The following UVRAG variants were observed in gnomAD, a reference collection of about 807,000 sequenced individuals.
UVRAG encodes UV radiation resistance-associated gene protein.
Under a neutral mutation model 78.0 loss-of-function variants are expected in UVRAG, and 19 were observed. That is an observed-to-expected ratio of 0.24 (90% CI 0.17 to 0.36). The LOEUF is 0.36. Among genes scored for constraint, UVRAG ranks in the 10% least tolerant of loss-of-function variants. The pLI is 1.00. For missense variants in UVRAG, 740 were observed against 853.8 expected (o/e 0.87, Z 1.66); for synonymous variants, 323 against 324.6 (o/e 1.00, Z 0.05).
At chr11:75,991,655 A>C (rs1053394407) in intron 8 of UVRAG, among the ~76,000 whole-genome samples, 1 of 152,146 alleles carries the variant, frequency 6.6e-6, no homozygotes, top group Non-Finnish European at 1.5e-5. Context: ...CAATCACTGA[A>C]TAATACTACA....
chr11:76,021,289 G>A (rs1244123619), intron 12 of UVRAG, among the ~76,000 whole-genome samples: 2 of 152,134 alleles, frequency 1.3e-5, no homozygotes, highest in African/African-American at 4.8e-5. Context: ...ATCGGTGAAA[G>A]CATCTATTCA....
intron 5 of UVRAG, chr11:75,892,405 C>T (rs970534688): frequency 1.0e-6 from 1 of 985,060 alleles, no homozygotes; most frequent in African/African-American, 1.7e-5. Flanking sequence ...TAAGTGTTTC[C>T]CTCTAACGGG....
chr11:76,104,909 C>G (rs1043856920), intron 13 of UVRAG, among the ~76,000 whole-genome samples: 8 of 152,060 alleles, frequency 5.3e-5, no homozygotes, highest in Non-Finnish European at 1.2e-4. Flanking sequence ...TAAAGAATCC[C>G]TGCACTTATA....
chr11:75,818,015 G>A (rs889361994), intron 1 of UVRAG, among the ~76,000 whole-genome samples: 7 of 151,996 alleles, frequency 4.6e-5, no homozygotes, highest in Admixed American at 3.3e-4. Flanking sequence ...AGCCGAGATT[G>A]CGCCACTGCA....
intron 7 of UVRAG, among the ~76,000 whole-genome samples, chr11:75,965,304 T>TTTTATTTATTTATTTATTTATTTA (rs112528205): frequency 8.2e-5 from 12 of 145,832 alleles, no homozygotes; most frequent in African/African-American, 3.4e-4. Flanking sequence ...TTTGGACATC[T>TTTTATTTATTTATTTATTTATTTA]TTTATTTATT....
At chr11:76,025,252 T>A (rs550131396) in intron 12 of UVRAG, among the ~76,000 whole-genome samples, 8 of 152,276 alleles carry the variant, frequency 5.3e-5, no homozygotes, top group Admixed American at 2.0e-4. Flanking sequence ...CCCCCACTTC[T>A]TTCACTGAGG....
At chr11:76,118,670 CT>C (rs1029788223) in intron 14 of UVRAG, among the ~76,000 whole-genome samples, 43 of 152,246 alleles carry the variant, frequency 2.8e-4, no homozygotes, top group African/African-American at 9.9e-4. Context: ...TCTTTGCCCC[CT>C]GGTCATGTGT....
intron 13 of UVRAG, among the ~76,000 whole-genome samples, chr11:76,081,163 T>G (rs1291411372): frequency 6.6e-6 from 1 of 152,162 alleles, no homozygotes; most frequent in Non-Finnish European, 1.5e-5. Context: ...ACTCTTTGGT[T>G]TTCTAACTCA....
intron 6 of UVRAG, among the ~76,000 whole-genome samples, chr11:75,913,457 G>C (rs1214221792): frequency 6.6e-6 from 1 of 152,130 alleles, no homozygotes; most frequent in Admixed American, 6.5e-5. Flanking sequence ...ATCCTACCCT[G>C]CCTTTATCTT....
At chr11:75,999,622 G>T (rs1012792283) in intron 8 of UVRAG, among the ~76,000 whole-genome samples, 1 of 151,978 alleles carries the variant, frequency 6.6e-6, no homozygotes, top group African/African-American at 2.4e-5. Flanking sequence ...CTTGTGATCT[G>T]CCCGCCTTGG....
chr11:75,882,204 T>G (rs1946962252), intron 4 of UVRAG, among the ~76,000 whole-genome samples: 1 of 152,184 alleles, frequency 6.6e-6, no homozygotes, highest in African/African-American at 2.4e-5. Context: ...TCTGCATTTT[T>G]TCAGGTTAAA....
Position 75,828,803 on chromosome 11 carries a change from A to AT in UVRAG, c.117+13280dup, listed in dbSNP as rs1412890541. Among the ~76,000 whole-genome samples the AT allele has an allele frequency of 1.7e-3, 141 of 85,434 alleles. 10 individuals are homozygous for AT. The highest frequency in any genetic ancestry group is 7.6e-3 in the East Asian group (23 of 3,010). 56.0% of individuals were successfully genotyped at this position (85,434 alleles called of 152,430 possible). ...CACATATATATATATATATATATAT[A>AT]TATTTTTTTTTTTTTGTAGAGACAG... is the stretch of plus-strand genomic sequence containing the variant. On this transcript the variant is annotated intron_variant, in intron 1 of 14. Transcript: ENST00000356136.
At chr11:75,920,447 A>G (rs772001049) in intron 6 of UVRAG, among the ~76,000 whole-genome samples, 1 of 152,200 alleles carries the variant, frequency 6.6e-6, no homozygotes, top group Non-Finnish European at 1.5e-5. Context: ...GTATGTATAC[A>G]TACACATAAA....
At chr11:76,095,708 A>G (rs962752537) in intron 13 of UVRAG, among the ~76,000 whole-genome samples, 3 of 151,668 alleles carry the variant, frequency 2.0e-5, no homozygotes, top group Non-Finnish European at 4.4e-5. Context: ...TCTCTATAAA[A>G]TATTTTTTAA....
chr11:76,031,929 G>A (rs1950445221), intron 12 of UVRAG, among the ~76,000 whole-genome samples: 1 of 152,174 alleles, frequency 6.6e-6, no homozygotes, highest in East Asian at 1.9e-4. Context: ...CTGATATGAA[G>A]TAATCATTGA....
chr11:76,003,899 C>T (rs2135333980), intron 8 of UVRAG, 106 bp from the exon 9 acceptor site: 1 of 1,056,394 alleles, frequency 9.5e-7, no homozygotes, highest in Non-Finnish European at 1.4e-6. Context: ...CTTTCCCTAA[C>T]TCTTTTTATT....
intron 12 of UVRAG, among the ~76,000 whole-genome samples, chr11:76,060,163 A>G (rs190623654): frequency 1.7e-4 from 26 of 152,114 alleles, no homozygotes; most frequent in Non-Finnish European, 2.8e-4. Flanking sequence ...TGTGTGATCT[A>G]TTTTTCATGT....
chr11:75,876,105 CT>C (rs1229846309), intron 3 of UVRAG, among the ~76,000 whole-genome samples: 1 of 152,180 alleles, frequency 6.6e-6, no homozygotes, highest in Non-Finnish European at 1.5e-5. Flanking sequence ...TAGATCTCCA[CT>C]TACCTCTCTG....
intron 1 of UVRAG, among the ~76,000 whole-genome samples, chr11:75,839,799 A>ATG (rs34732860): frequency 0.15 from 22,417 of 148,098 alleles, 2,162 homozygotes; most frequent in African/African-American, 0.27. Flanking sequence ...CAAGTAGTGT[A>ATG]TGTGTGTGTG....
Sources: allele counts gnomAD v4.1 joint callset (sites outside exome capture counted in the v4.1 genomes callset), GRCh38; gene constraint gnomAD v4.1.1; transcripts MANE v1.5; gene names NCBI Gene and HGNC (gene_info 2026-07-23, HGNC 2026-07-21).